Variants in CRHR1 observed in about 807,000 individuals in gnomAD.
CRHR1 encodes corticotropin releasing hormone receptor 1, also known as corticotropin-releasing hormone receptor 1.
CRHR1 carries 28 observed loss-of-function variants against 56.0 expected under a neutral mutation model. That is an observed-to-expected ratio of 0.50 (90% confidence interval 0.37 to 0.69). The LOEUF is 0.69. CRHR1 is among the 30% of genes least tolerant of loss of function. The pLI is 0.00. For synonymous variants in CRHR1, 195 were observed against 216.5 expected, an observed-to-expected ratio of 0.90 and a Z score of 0.87; for missense variants, 376 against 548.0, an observed-to-expected ratio of 0.69 and a Z score of 3.13.
chr17:45,812,285 A>G (rs2061838411), intron 2 of CRHR1, among the ~76,000 whole-genome samples: 1 of 152,256 alleles, frequency 6.6e-6, no homozygotes, highest in Non-Finnish European at 1.5e-5. Context: ...TACTTGTTAA[A>G]TAAAGAGCAA....
chr17:45,829,546 G>A, intron 5 of CRHR1: 2 of 1,546,052 alleles, frequency 1.3e-6, no homozygotes, highest in African/African-American at 1.4e-5. Context: ...CTTGTCTTAT[G>A]TCACCCATAC....
chr17:45,795,255 G>A (rs1255625004), intron 1 of CRHR1, among the ~76,000 whole-genome samples: 1 of 152,064 alleles, frequency 6.6e-6, no homozygotes, highest in East Asian at 1.9e-4. Context: ...TGCCTTGAAG[G>A]TGCCTCTCTC....
intron 4 of CRHR1, among the ~76,000 whole-genome samples, chr17:45,828,293 C>T (rs915148795): frequency 6.6e-6 from 1 of 152,234 alleles, no homozygotes; most frequent in Non-Finnish European, 1.5e-5. Flanking sequence ...TGCCAATCTA[C>T]ATGTGCAGGC....
At chr17:45,825,298 G>A (rs1457486035) in intron 4 of CRHR1, among the ~76,000 whole-genome samples, 1 of 152,164 alleles carries the variant, frequency 6.6e-6, no homozygotes, top group Non-Finnish European at 1.5e-5. Context: ...TTGCATGCAT[G>A]GCTGGCCGGG....
intron 3 of CRHR1, among the ~76,000 whole-genome samples, chr17:45,816,819 G>A (rs532066512): frequency 6.6e-6 from 1 of 152,224 alleles, no homozygotes; most frequent in Non-Finnish European, 1.5e-5. Flanking sequence ...GGCCCCTGGG[G>A]CTCAGGGAGG....
Position 45,831,400 on chromosome 17 carries a change from T to C in CRHR1, c.770+460T>C, listed in dbSNP as rs191320583. Among the ~76,000 whole-genome samples, 40 of 152,368 alleles carry C rather than the reference T, an allele frequency of 2.6e-4. No individual in the cohort carries two copies. In the Middle Eastern group the frequency reaches 0.01, roughly 39 times the overall value. On this transcript the variant is annotated intron_variant, in intron 8 of 12. Coordinates refer to ENST00000314537, the MANE Select transcript of CRHR1 (RefSeq NM_004382.5). ...TTCTATTAATATTAAGACATCTTAA[T>C]AAAAGAGTCCATGAATTTAATAGAA... is the stretch of plus-strand genomic sequence containing the variant.
intron 1 of CRHR1, among the ~76,000 whole-genome samples, chr17:45,789,267 G>A (rs533932485): frequency 2.0e-5 from 3 of 152,202 alleles, no homozygotes; most frequent in African/African-American, 2.4e-5. Flanking sequence ...AGGCCAGGTC[G>A]AGATTTCAGC....
chr17:45,832,659 C>T (rs1218856902), intron 8 of CRHR1, among the ~76,000 whole-genome samples: 2 of 152,216 alleles, frequency 1.3e-5, no homozygotes, highest in Non-Finnish European at 2.9e-5. Context: ...CAGGTAGAAC[C>T]TGTGCAAGTA....
chr17:45,789,087 A>C (rs551471355), intron 1 of CRHR1, among the ~76,000 whole-genome samples: 4 of 152,228 alleles, frequency 2.6e-5, no homozygotes, highest in Non-Finnish European at 2.9e-5. Context: ...AGCCTCAGCC[A>C]GTGAAACTCC....
chr17:45,828,611 C>T (rs539999736), intron 4 of CRHR1, among the ~76,000 whole-genome samples: 2 of 152,196 alleles, frequency 1.3e-5, no homozygotes, highest in Admixed American at 6.5e-5. Context: ...CCCCTTGGGC[C>T]AGGGATGGGG....
At chr17:45,834,214 G>A (rs1342187346) in intron 12 of CRHR1, among the ~76,000 whole-genome samples, 166 bp downstream of exon 12, 2 of 152,184 alleles carry the variant, frequency 1.3e-5, no homozygotes, top group African/African-American at 2.4e-5. Context: ...CCTCCCACCT[G>A]TCCACTCCCA....
intron 1 of CRHR1, among the ~76,000 whole-genome samples, chr17:45,793,825 C>T (rs1220454083): frequency 3.9e-5 from 6 of 152,194 alleles, no homozygotes; most frequent in African/African-American, 1.4e-4. Flanking sequence ...TGACCTTAGG[C>T]AAATCACATG....
At position 45,835,663 on chromosome 17, in the gene CRHR1, C is replaced by T. The variant is rs2062421813; in HGVS notation, c.*899C>T. 6.6e-6 allele frequency: 1 copy of T among 152,318 alleles called. No individual in the cohort carries two copies. Among genetic ancestry groups the T allele is most frequent in the Non-Finnish European group, 1.5e-5 (1 of 68,152 alleles). The allele number at this position is 152,318 out of a possible 1,614,324, so 9.4% of individuals were successfully genotyped here. A position where few individuals can be genotyped will look rare whatever the true frequency, so the allele number is the denominator to read the frequency against. Reference sequence around the variant, plus strand: ...CCTGCCCAAGTGGCTCTTGGGACAACGTGCTGCTTACACTCCAGGTGTGGA... The same window carrying T: ...CCTGCCCAAGTGGCTCTTGGGACAATGTGCTGCTTACACTCCAGGTGTGGA... On this transcript the variant is annotated 3_prime_UTR_variant, in exon 13 of 13. Transcript: ENST00000314537.
At chr17:45,819,263 G>T (rs1052428767) in intron 3 of CRHR1, among the ~76,000 whole-genome samples, 8 of 152,244 alleles carry the variant, frequency 5.3e-5, no homozygotes, top group Admixed American at 5.2e-4. Flanking sequence ...AACTCTTGAT[G>T]TAGGAGCTGC....
chr17:45,813,907 G>C (rs957728549), intron 2 of CRHR1, among the ~76,000 whole-genome samples: 1 of 152,240 alleles, frequency 6.6e-6, no homozygotes, highest in Non-Finnish European at 1.5e-5. Context: ...AGCTGTGGAC[G>C]GGGTCAGGCC....
chr17:45,806,885 G>A (rs2061730026), intron 1 of CRHR1, 125 bp from the exon 2 acceptor site: 4 of 729,550 alleles, frequency 5.5e-6, no homozygotes, highest in Admixed American at 2.2e-5. Context: ...GACTGGATGT[G>A]TGACAGGGTG....
intron 4 of CRHR1, among the ~76,000 whole-genome samples, chr17:45,822,370 G>A (rs62057119): frequency 0.14 from 21,823 of 152,172 alleles, 2,137 homozygotes; most frequent in Non-Finnish European, 0.22. Context: ...TACTGCCCTC[G>A]GTCTCTCCCA....
At chr17:45,831,308 A>G (rs994352695) in intron 8 of CRHR1, among the ~76,000 whole-genome samples, 22 of 152,354 alleles carry the variant, frequency 1.4e-4, no homozygotes, top group African/African-American at 5.1e-4. Context: ...GTGGGGTGAT[A>G]TGAGTCCATC....
At position 45,833,321 on chromosome 17, in the gene CRHR1, G is replaced by C; in HGVS notation, c.843+111G>C. ...TAGAGGTGGGGGCCACCCAAAGAGGGGGCATGGGTCAGAGATGTGCAGGTG... is the reference window on the plus strand; with the variant it reads ...TAGAGGTGGGGGCCACCCAAAGAGGCGGCATGGGTCAGAGATGTGCAGGTG... On this transcript the variant is annotated intron_variant, in intron 9 of 12. Transcript: ENST00000314537. 3.4e-6 allele frequency: 5 copies of C among 1,450,084 alleles called. No homozygotes were observed. The South Asian group carries it at 5.8e-5, about 17-fold the overall frequency. 89.8% of individuals were successfully genotyped at this position (1,450,084 alleles called of 1,614,324 possible). A position where few individuals can be genotyped will look rare whatever the true frequency, so the allele number is the denominator to read the frequency against.
Sources: allele counts gnomAD v4.1 joint callset (sites outside exome capture counted in the v4.1 genomes callset), GRCh38; gene constraint gnomAD v4.1.1; transcripts MANE v1.5; gene names NCBI Gene and HGNC (gene_info 2026-07-23, HGNC 2026-07-21).